The following GPC6 variants were observed in gnomAD, a reference collection of about 807,000 sequenced individuals.
GPC6 encodes glypican 6, also known as glypican-6.
A neutral mutation model predicts 55.2 loss-of-function variants in GPC6; 14 were observed. The observed-to-expected ratio is 0.25, with a 90% confidence interval of 0.17 to 0.40. The LOEUF (loss-of-function observed/expected upper bound fraction) is 0.40, where lower values mean the gene tolerates loss of function less well. Among genes scored for constraint, GPC6 ranks in the 10% least tolerant of loss-of-function variants. GPC6 has a pLI of 1.00. For synonymous variants in GPC6, 278 were observed against 259.6 expected (o/e 1.07, Z -0.68); for missense variants, 641 against 708.5 (o/e 0.90, Z 1.08).
At chr13:94,036,795 T>C (rs938865223) in intron 4 of GPC6, among the ~76,000 whole-genome samples, 91 of 152,010 alleles carry the variant, frequency 6.0e-4, no homozygotes, top group Non-Finnish European at 1.1e-3. Flanking sequence ...ATTAGTTATC[T>C]CATAGGAAGC....
At chr13:93,386,640 A>G (rs1351997755) in intron 1 of GPC6, among the ~76,000 whole-genome samples, 1 of 152,222 alleles carries the variant, frequency 6.6e-6, no homozygotes, top group Non-Finnish European at 1.5e-5. Flanking sequence ...ACACATGCAA[A>G]TAACAATATT....
At chr13:93,275,859 T>G (rs1877715158) in intron 1 of GPC6, among the ~76,000 whole-genome samples, 1 of 152,058 alleles carries the variant, frequency 6.6e-6, no homozygotes, top group South Asian at 2.1e-4. Flanking sequence ...GTTTCGCCCA[T>G]AACAGGATAA....
At chr13:93,858,764 T>C (rs1386687713) in intron 3 of GPC6, among the ~76,000 whole-genome samples, 2 of 151,428 alleles carry the variant, frequency 1.3e-5, no homozygotes, top group Admixed American at 1.3e-4. Flanking sequence ...GCAGTTTTAT[T>C]GGAGTAGTGG....
chr13:93,328,160 CTTAAAGCAAA>C (rs1879721895), intron 1 of GPC6, among the ~76,000 whole-genome samples: 1 of 152,030 alleles, frequency 6.6e-6, no homozygotes, highest in African/African-American at 2.4e-5. Context: ...TATCTGAAGA[CTTAAAGCAAA>C]TTCCCAGGAA....
rs567789351 is a variant in GPC6 at position 93,450,435 on chromosome 13, T to C, written c.161-94828T>C. ...TGTCAATTTGGAATTGAGCCATAAGTGCTCATTCTTATTTTATGAGTAAGG... is the reference window on the plus strand; with the variant it reads ...TGTCAATTTGGAATTGAGCCATAAGCGCTCATTCTTATTTTATGAGTAAGG... On this transcript the variant is annotated intron_variant, in intron 1 of 8. Coordinates refer to ENST00000377047, the MANE Select transcript of GPC6 (RefSeq NM_005708.5). Among the ~76,000 whole-genome samples, 3 of 152,200 alleles carry C rather than the reference T, an allele frequency of 2.0e-5. No homozygotes were observed. In the South Asian group the frequency reaches 6.2e-4, roughly 32 times the overall value.
chr13:93,602,849 C>T (rs931974633), intron 2 of GPC6, among the ~76,000 whole-genome samples: 1 of 152,102 alleles, frequency 6.6e-6, no homozygotes, highest in South Asian at 2.1e-4. Flanking sequence ...TATACATTTT[C>T]GGTTTCTAGT....
intron 2 of GPC6, among the ~76,000 whole-genome samples, chr13:93,668,377 T>A (rs1881227401): frequency 6.6e-6 from 1 of 152,174 alleles, no homozygotes; most frequent in East Asian, 1.9e-4. Context: ...TTTTGGAAAT[T>A]TGATGATGAT....
chr13:93,684,934 T>G (rs1881993934), intron 2 of GPC6, among the ~76,000 whole-genome samples: 1 of 152,164 alleles, frequency 6.6e-6, no homozygotes, highest in Non-Finnish European at 1.5e-5. Flanking sequence ...TAAGGAGCTG[T>G]AAAATGATGA....
At chr13:94,193,427 CTG>C (rs894178740) in intron 4 of GPC6, among the ~76,000 whole-genome samples, 11 of 152,240 alleles carry the variant, frequency 7.2e-5, no homozygotes, top group Admixed American at 5.9e-4. Flanking sequence ...TTCCTGACCT[CTG>C]TGTTTTATCC....
At chr13:93,744,619 T>A (rs1335365678) in intron 2 of GPC6, among the ~76,000 whole-genome samples, 1 of 141,882 alleles carries the variant, frequency 7.0e-6, no homozygotes, top group Non-Finnish European at 1.5e-5. Context: ...TCATCTGACA[T>A]CAAGCACTGT....
chr13:93,511,708 A>C (rs1485313931), intron 1 of GPC6, among the ~76,000 whole-genome samples: 1 of 152,094 alleles, frequency 6.6e-6, no homozygotes, highest in African/African-American at 2.4e-5. Flanking sequence ...TCTATGAAGA[A>C]TGACATTGTT....
chr13:94,073,237 C>T (rs1272076854), intron 4 of GPC6, among the ~76,000 whole-genome samples: 1 of 152,110 alleles, frequency 6.6e-6, no homozygotes, highest in Non-Finnish European at 1.5e-5. Context: ...TCCAGGAATA[C>T]CATCGTTATT....
At chr13:93,584,180 T>TA (rs1311124521) in intron 2 of GPC6, among the ~76,000 whole-genome samples, 1 of 152,190 alleles carries the variant, frequency 6.6e-6, no homozygotes, top group Non-Finnish European at 1.5e-5. Context: ...CATTCTGAGA[T>TA]AACAGCATCG....
intron 1 of GPC6, among the ~76,000 whole-genome samples, chr13:93,380,800 A>G (rs1875132045): frequency 1.3e-5 from 2 of 152,008 alleles, no homozygotes; most frequent in Non-Finnish European, 2.9e-5. Flanking sequence ...TTTCTTACTC[A>G]TTGTCTTAGA....
intron 1 of GPC6, among the ~76,000 whole-genome samples, chr13:93,386,813 G>A (rs2139211773): frequency 6.6e-6 from 1 of 152,274 alleles, no homozygotes; most frequent in Non-Finnish European, 1.5e-5. Flanking sequence ...GCTCTGGGGT[G>A]GAATCCTTTC....
intron 6 of GPC6, among the ~76,000 whole-genome samples, chr13:94,374,975 G>A (rs1274578720): frequency 1.4e-5 from 2 of 145,638 alleles, no homozygotes; most frequent in East Asian, 2.0e-4. Context: ...GGTACATAAC[G>A]AAATGAAGGC....
intron 1 of GPC6, among the ~76,000 whole-genome samples, chr13:93,269,994 G>C (rs923053943): frequency 2.6e-5 from 4 of 151,750 alleles, no homozygotes; most frequent in Non-Finnish European, 5.9e-5. Flanking sequence ...TGGGCATGGT[G>C]GTTCTTGCCT....
At chr13:93,629,704 A>G (rs766785670) in intron 2 of GPC6, among the ~76,000 whole-genome samples, 14 of 152,232 alleles carry the variant, frequency 9.2e-5, no homozygotes, top group Non-Finnish European at 1.3e-4. Flanking sequence ...CTACTTCAAT[A>G]TAACAATTCA....
rs969655616 is a variant in GPC6, at chr13:94,386,238, T to C, written c.1289+3688T>C. On this transcript the variant is annotated intron_variant, in intron 7 of 8. Transcript: ENST00000377047. ...AGCTGGGTGTGGTGGTGGGTGCCTG[T>C]AGTCCCAGCTACTCGGGAGGCTGAG... Among the ~76,000 whole-genome samples, 3 of 152,154 alleles carry C rather than the reference T, an allele frequency of 2.0e-5. 1 individual carries two copies. The East Asian group carries it at 5.8e-4, about 29-fold the overall frequency.
Sources: allele counts gnomAD v4.1 joint callset (sites outside exome capture counted in the v4.1 genomes callset), GRCh38; gene constraint gnomAD v4.1.1; transcripts MANE v1.5; gene names NCBI Gene and HGNC (gene_info 2026-07-23, HGNC 2026-07-21).